DOCK5: variants seen among roughly 807,000 people sequenced by gnomAD.
DOCK5 encodes the protein dedicator of cytokinesis protein 5.
DOCK5 carries 142 observed loss-of-function variants against 251.8 expected under a neutral mutation model. The observed-to-expected ratio is 0.56, with a 90% CI of 0.49 to 0.65. The LOEUF (loss-of-function observed/expected upper bound fraction) is 0.65, where lower values mean the gene tolerates loss of function less well. Ranked by LOEUF, DOCK5 falls within the 30% of genes least tolerant of loss-of-function variation. The probability of loss-of-function intolerance (pLI) is 0.00; values close to 1 mark genes in which losing one functional copy is unlikely to be tolerated. For synonymous variants in DOCK5, 842 were observed against 835.5 expected (o/e 1.01, Z -0.13); for missense variants, 2,111 against 2,312.3 (o/e 0.91, Z 1.79).
chr8:25,232,450 C>T (rs1458344635), intron 1 of DOCK5, among the ~76,000 whole-genome samples: 1 of 152,222 alleles, frequency 6.6e-6, no homozygotes, highest in Non-Finnish European at 1.5e-5. Flanking sequence ...GTCTCATAGA[C>T]TGGGTGGCTA....
At chr8:25,342,633 A>T (rs1049602538) in intron 25 of DOCK5, 126 bp downstream of exon 25, 2 of 410,450 alleles carry the variant, frequency 4.9e-6, no homozygotes, top group Non-Finnish European at 8.5e-6. Context: ...GCATGCTGAG[A>T]TGACAGCCCC....
intron 44 of DOCK5, among the ~76,000 whole-genome samples, chr8:25,393,699 G>A (rs891076432): frequency 2.6e-5 from 4 of 152,096 alleles, no homozygotes; most frequent in Non-Finnish European, 5.9e-5. Flanking sequence ...ATCCATCTCT[G>A]GAACACCCAA....
intron 8 of DOCK5, among the ~76,000 whole-genome samples, chr8:25,300,062 T>C (rs1018976121): frequency 1.3e-5 from 2 of 152,118 alleles, no homozygotes; most frequent in African/African-American, 2.4e-5. Context: ...CCTGCCACCA[T>C]GCCCAACCAA....
intron 1 of DOCK5, among the ~76,000 whole-genome samples, chr8:25,231,569 T>C (rs903773502): frequency 6.6e-6 from 1 of 152,240 alleles, no homozygotes; most frequent in Admixed American, 6.5e-5. Flanking sequence ...ATATTAGTTG[T>C]AGTAACTTTG....
intron 26 of DOCK5, 52 bp from the exon 27 acceptor site, chr8:25,351,679 G>T: frequency 6.8e-7 from 1 of 1,462,846 alleles, no homozygotes; most frequent in Non-Finnish European, 9.5e-7. Context: ...GTTCCTTAAA[G>T]AAAGTGAAAC....
chr8:25,279,703 C>A (rs192959923), intron 5 of DOCK5, among the ~76,000 whole-genome samples: 1 of 152,082 alleles, frequency 6.6e-6, no homozygotes, highest in Admixed American at 6.5e-5. Flanking sequence ...CTGCAACCTC[C>A]GCCTCCCAAG....
chr8:25,302,589 C>G (rs1267007709), intron 10 of DOCK5, 135 bp downstream of exon 10: 1 of 1,223,806 alleles, frequency 8.2e-7, no homozygotes, highest in Non-Finnish European at 1.1e-6. Context: ...AAAGCAAGGT[C>G]TGGAGGAGAT....
chr8:25,405,735 C>T (rs1801511367), intron 48 of DOCK5, among the ~76,000 whole-genome samples: 3 of 152,050 alleles, frequency 2.0e-5, no homozygotes, highest in African/African-American at 7.2e-5. Context: ...GATGCTGAGG[C>T]TTCCTTGCCA....
intron 31 of DOCK5, 52 bp downstream of exon 31, chr8:25,367,022 A>G (rs1163137535): frequency 2.7e-6 from 4 of 1,467,656 alleles, no homozygotes; most frequent in Non-Finnish European, 1.9e-6. Flanking sequence ...CCATTTGTTT[A>G]CATTGAGAGC....
intron 37 of DOCK5, chr8:25,374,882 T>C (rs1800937585): frequency 6.7e-6 from 9 of 1,352,242 alleles, no homozygotes; most frequent in Non-Finnish European, 8.6e-6. Flanking sequence ...GCACGACTTA[T>C]GAACCTTTGG....
intron 5 of DOCK5, among the ~76,000 whole-genome samples, chr8:25,281,877 TAAAA>T (rs1262043361): frequency 0.013 from 982 of 75,016 alleles, 12 homozygotes; most frequent in African/African-American, 0.047. Context: ...AGACTCCGTT[TAAAA>T]AAAAAAAGAA....
chr8:25,363,223 T>TC (rs1310080007), intron 29 of DOCK5, 82 bp downstream of exon 29: 1 of 1,168,792 alleles, frequency 8.6e-7, no homozygotes, highest in Non-Finnish European at 1.3e-6. Context: ...TGTCTTTAAA[T>TC]CCCTTTGCCT....
At position 25,336,305 on chromosome 8, in the gene DOCK5, T is replaced by G. The variant is rs2117223945; in HGVS notation, c.2259T>G (p.Leu753=). Residue 753 remains leucine (L), a synonymous_variant, in exon 22 of 52, where the codon CTT becomes CTG. Coordinates refer to ENST00000276440, the MANE Select transcript of DOCK5 (RefSeq NM_024940.8). ...ATGACTCCAGCAAGACTGAACTGCT[T>G]TTTGCTGCGTTGAAAGCCTTGAAGT... ...NADDSSKTEL[L]FAALKALKYL... 1 of 1,613,922 alleles carries G rather than the reference T, an allele frequency of 6.2e-7. No homozygotes were observed. The highest frequency in any genetic ancestry group is 8.5e-7 in the Non-Finnish European group (1 of 1,179,854).
intron 26 of DOCK5, among the ~76,000 whole-genome samples, chr8:25,350,446 A>G (rs1252316955): frequency 1.3e-5 from 2 of 152,204 alleles, no homozygotes; most frequent in Non-Finnish European, 2.9e-5. Context: ...ACTAATTCCA[A>G]TAAGAAAACT....
intron 13 of DOCK5, among the ~76,000 whole-genome samples, chr8:25,316,678 A>T (rs1483400174): frequency 6.6e-6 from 1 of 152,040 alleles, no homozygotes; most frequent in East Asian, 1.9e-4. Flanking sequence ...AAAATATCAC[A>T]CTCTCCAAGG....
intron 1 of DOCK5, among the ~76,000 whole-genome samples, chr8:25,189,050 T>C (rs866116502): frequency 0.045 from 903 of 20,074 alleles, 5 homozygotes; most frequent in African/African-American, 0.064. Context: ...TTCTTTCTTT[T>C]TTTTTTTTTT....
intron 5 of DOCK5, among the ~76,000 whole-genome samples, chr8:25,286,352 T>C (rs1804332259): frequency 6.6e-6 from 1 of 152,110 alleles, no homozygotes; most frequent in Non-Finnish European, 1.5e-5. Flanking sequence ...AGTAATTGAG[T>C]TTAATGTCTC....
In DOCK5 at chr8:25,310,728, A is replaced by G. The variant is rs74757660; in HGVS notation, c.1318+196A>G. 1.5e-3 allele frequency among the ~76,000 whole-genome samples: 227 copies of G among 152,344 alleles called. 6 individuals carry two copies. In the East Asian group the frequency reaches 0.031, roughly 21 times the overall value. On this transcript the variant is annotated intron_variant, in intron 13 of 51. Coordinates refer to ENST00000276440, the MANE Select transcript of DOCK5 (RefSeq NM_024940.8). ...CCTAATTTGTCATTATTACAAATAT[A>G]AAAACCTCTGCTCTGACTATCCTTA...
chr8:25,287,017 G>A (rs1035632370), intron 5 of DOCK5, among the ~76,000 whole-genome samples: 12 of 152,142 alleles, frequency 7.9e-5, no homozygotes, highest in Non-Finnish European at 1.8e-4. Flanking sequence ...GAAGAATAGA[G>A]TCCAGGTTTT....
Sources: allele counts gnomAD v4.1 joint callset (sites outside exome capture counted in the v4.1 genomes callset), GRCh38; gene constraint gnomAD v4.1.1; transcripts MANE v1.5; gene names NCBI Gene and HGNC (gene_info 2026-07-23, HGNC 2026-07-21).